Variants in STK3 observed in about 807,000 individuals in gnomAD.
The protein encoded by STK3 is serine/threonine kinase 3, also known as serine/threonine-protein kinase 3.
In STK3, 41 loss-of-function variants were observed where a neutral mutation model predicts 58.0. The ratio of observed to expected loss-of-function variants is 0.71; its 90% CI spans 0.55 to 0.92. The LOEUF (loss-of-function observed/expected upper bound fraction) is 0.92, where lower values mean the gene tolerates loss of function less well. STK3 is among the 40% of genes least tolerant of loss of function. STK3 has a pLI of 0.00. For synonymous variants in STK3, 170 were observed against 191.0 expected (o/e 0.89, Z 0.91); for missense variants, 479 against 602.7 (o/e 0.79, Z 2.15).
Position 98,687,412 on chromosome 8 carries a change from A to G in STK3, c.684+19055T>C, listed in dbSNP as rs1824081338. ...CACGCTCCTAAGAGAATCCAATGTC[A>G]GTGCTGATCTGACAGGAGGCGGAGC... is the stretch of plus-strand genomic sequence containing the variant. On this transcript the variant is annotated intron_variant, in intron 6 of 10. Transcript: ENST00000419617. 1.3e-5 allele frequency among the ~76,000 whole-genome samples: 2 copies of G among 152,214 alleles called. 1 individual carries two copies. The highest frequency in any genetic ancestry group is 4.1e-4 in the South Asian group (2 of 4,838).
At chr8:98,547,069 T>A (rs961370681) in intron 9 of STK3, among the ~76,000 whole-genome samples, 1 of 152,162 alleles carries the variant, frequency 6.6e-6, no homozygotes, top group African/African-American at 2.4e-5. Flanking sequence ...AGCAAATCAC[T>A]TGAATATTTA....
At chr8:98,871,931 T>G (rs986054555) in intron 3 of STK3, among the ~76,000 whole-genome samples, 5 of 152,258 alleles carry the variant, frequency 3.3e-5, no homozygotes, top group Admixed American at 1.3e-4. Flanking sequence ...AGTTTTCAAA[T>G]GGAATGCCTC....
the STK3 span, among the ~76,000 whole-genome samples, chr8:98,347,993 A>T: frequency 6.6e-6 from 1 of 152,230 alleles, no homozygotes; most frequent in African/African-American, 2.4e-5. Flanking sequence ...TAAACCTGAT[A>T]CTGCTTAACT....
At chr8:98,607,243 G>A (rs1021621921) in intron 6 of STK3, among the ~76,000 whole-genome samples, 1 of 152,192 alleles carries the variant, frequency 6.6e-6, no homozygotes, top group Non-Finnish European at 1.5e-5. Flanking sequence ...TGTGGTTCTC[G>A]AGGTGTTCAT....
intron 3 of STK3, among the ~76,000 whole-genome samples, chr8:98,862,684 C>T (rs1836981441): frequency 6.6e-6 from 1 of 152,216 alleles, no homozygotes; most frequent in South Asian, 2.1e-4. Flanking sequence ...GATTTTAGTT[C>T]ATGCAATCAT....
intron 1 of STK3, among the ~76,000 whole-genome samples, chr8:98,778,156 C>T (rs1322754313): frequency 6.6e-6 from 1 of 152,158 alleles, no homozygotes; most frequent in Non-Finnish European, 1.5e-5. Context: ...TATCCAGAAT[C>T]TACGATGAAC....
At chr8:98,425,232 C>T (rs1441472329) in intron 3 of STK3, among the ~76,000 whole-genome samples, 1 of 152,154 alleles carries the variant, frequency 6.6e-6, no homozygotes, top group Non-Finnish European at 1.5e-5. Flanking sequence ...CCCAGCAGAC[C>T]TAGATAGAGG....
chr8:98,393,510 A>C (rs927576060), intron 3 of STK3: 2 of 152,154 alleles, frequency 1.3e-5, no homozygotes, highest in Admixed American at 6.5e-5. Context: ...TAATAAGGCC[A>C]ATAGAATCAA....
intron 9 of STK3, among the ~76,000 whole-genome samples, chr8:98,541,671 C>T (rs1039576920): frequency 1.3e-5 from 2 of 152,158 alleles, no homozygotes; most frequent in African/African-American, 4.8e-5. Flanking sequence ...AACTGTTGCA[C>T]TCTCATAACA....
intron 8 of STK3, among the ~76,000 whole-genome samples, chr8:98,559,716 C>T (rs561525161): frequency 6.6e-6 from 1 of 152,222 alleles, no homozygotes; most frequent in East Asian, 1.9e-4. Context: ...TCTCATCTTA[C>T]ACAGAAATAC....
chr8:98,414,179 G>T (rs1423417387), intron 3 of STK3, among the ~76,000 whole-genome samples: 1 of 152,170 alleles, frequency 6.6e-6, no homozygotes, highest in Non-Finnish European at 1.5e-5. Flanking sequence ...TGGGAGAATT[G>T]CTTGAACCTG....
chr8:98,672,103 T>TGACAG (rs1822874019), intron 6 of STK3, among the ~76,000 whole-genome samples: 2 of 152,184 alleles, frequency 1.3e-5, no homozygotes, highest in Non-Finnish European at 2.9e-5. Flanking sequence ...CGGGTATTTC[T>TGACAG]TCATAGCACC....
intron 10 of STK3, among the ~76,000 whole-genome samples, chr8:98,464,861 CCAAA>C (rs1464208176): frequency 3.3e-5 from 5 of 152,076 alleles, no homozygotes; most frequent in African/African-American, 1.2e-4. Context: ...CCCCCCTTCC[CCAAA>C]CAGACATTAT....
intron 1 of STK3, among the ~76,000 whole-genome samples, chr8:98,788,085 G>T (rs1218945745): frequency 6.6e-6 from 1 of 152,098 alleles, no homozygotes; most frequent in Non-Finnish European, 1.5e-5. Flanking sequence ...CATAATGAAT[G>T]GAATGATACC....
chr8:98,454,176 CT>C (rs147947909), downstream of STK3, among the ~76,000 whole-genome samples: 2,077 of 152,240 alleles, frequency 0.014, 46 homozygotes, highest in African/African-American at 0.048. Flanking sequence ...GACAATATAC[CT>C]TCTGTGACAG....
At chr8:98,621,120 C>T (rs1188144340) in intron 6 of STK3, among the ~76,000 whole-genome samples, 3 of 151,882 alleles carry the variant, frequency 2.0e-5, no homozygotes, top group Admixed American at 6.6e-5. Flanking sequence ...TAGTAGAGAC[C>T]GTTAGTATTT....
chr8:98,472,115 A>G (rs1467751848), intron 10 of STK3, among the ~76,000 whole-genome samples: 1 of 152,172 alleles, frequency 6.6e-6, no homozygotes, highest in Non-Finnish European at 1.5e-5. Flanking sequence ...AAGTTTTCAG[A>G]GGCACCAAGA....
At chr8:98,565,504 A>G (rs760528680) in intron 8 of STK3, among the ~76,000 whole-genome samples, 10 of 152,114 alleles carry the variant, frequency 6.6e-5, no homozygotes, top group Non-Finnish European at 1.3e-4. Flanking sequence ...TTCTTTTCAG[A>G]GTATTTTTAA....
chr8:98,455,141 T>C lies in STK3; in HGVS notation c.*701A>G, dbSNP rs1819402084. The C allele has an allele frequency of 6.6e-6, 1 of 152,582 alleles. No individual in the cohort carries two copies. Among genetic ancestry groups the C allele is most frequent in the South Asian group, 2.1e-4 (1 of 4,822 alleles). 9.5% of individuals were successfully genotyped at this position (152,582 alleles called of 1,614,324 possible). The stretch of plus-strand genomic sequence containing the variant: ...TTAAACACGATAGATCTATTTTACC[T>C]AAATATATATAGTTCTATTTGTACC... On this transcript the variant is annotated 3_prime_UTR_variant, in exon 11 of 11. Transcript: ENST00000419617.
Sources: allele counts gnomAD v4.1 joint callset (sites outside exome capture counted in the v4.1 genomes callset), GRCh38; gene constraint gnomAD v4.1.1; transcripts MANE v1.5; gene names NCBI Gene and HGNC (gene_info 2026-07-23, HGNC 2026-07-21).